The following TTC23L variants were observed in gnomAD, a reference collection of about 807,000 sequenced individuals.
TTC23L encodes tetratricopeptide repeat protein 23-like.
A neutral mutation model predicts 48.1 loss-of-function variants in TTC23L; 42 were observed. That is an observed-to-expected ratio of 0.87 (90% CI 0.68 to 1.13). The LOEUF is 1.13. Ranked by LOEUF, TTC23L falls within the 50% of genes most tolerant of loss-of-function variation. TTC23L has a pLI of 0.00. For synonymous variants in TTC23L, 159 were observed against 157.2 expected, an observed-to-expected ratio of 1.01 and a Z score of -0.09; for missense variants, 391 against 421.0, an observed-to-expected ratio of 0.93 and a Z score of 0.62.
the TTC23L span, chr5:34,922,395 G>A: frequency 1.1e-6 from 1 of 905,608 alleles, no homozygotes; most frequent in Non-Finnish European, 1.7e-6. Context: ...TGAGAATGAA[G>A]CAAACTTTTG....
chr5:34,914,130 G>C, the TTC23L span: 4 of 366,692 alleles, frequency 1.1e-5, no homozygotes, highest in African/African-American at 8.4e-5. Context: ...AATCCTATCT[G>C]AACCACACAA....
the TTC23L span, chr5:34,923,110 C>T: frequency 1.9e-6 from 3 of 1,594,794 alleles, no homozygotes; most frequent in African/African-American, 1.3e-5. Context: ...GAATAAGGAA[C>T]TAACATACAC....
At chr5:34,908,890 ATACCT>A in the TTC23L span, 139 of 1,612,976 alleles carry the variant, frequency 8.6e-5, no homozygotes, top group Non-Finnish European at 1.1e-4. Context: ...GTCCGAATAG[ATACCT>A]TACAAGATAG....
At chr5:34,848,959 T>A (rs2150357908) in intron 3 of TTC23L, among the ~76,000 whole-genome samples, 1 of 152,334 alleles carries the variant, frequency 6.6e-6, no homozygotes, top group East Asian at 1.9e-4. Context: ...TAAAATACGT[T>A]TTAAAATCCA....
At chr5:34,839,607 G>C (rs192359953) in intron 1 of TTC23L, 1 of 985,028 alleles carries the variant, frequency 1.0e-6, no homozygotes, top group Admixed American at 6.1e-5. Flanking sequence ...AGAGAAATTA[G>C]TGACTCTCCC....
chr5:34,864,495 G>C (rs1259449182), exon 6 of TTC23L: 1 of 1,613,742 alleles, frequency 6.2e-7, no homozygotes, highest in Non-Finnish European at 8.5e-7. Context: ...GGAGCTGAAA[G>C]AATTATATAA....
the TTC23L span, chr5:34,914,914 C>T: frequency 3.7e-6 from 6 of 1,613,198 alleles, no homozygotes; most frequent in Admixed American, 1.0e-4. Flanking sequence ...CATTCGGCCC[C>T]GAGGGATGCT....
At chr5:34,880,679 C>T (rs1762169107) in intron 9 of TTC23L, 3 of 413,740 alleles carry the variant, frequency 7.3e-6, no homozygotes, top group Admixed American at 2.9e-5. Flanking sequence ...GTCTCTGTCA[C>T]CCAGGCTGTA....
At chr5:34,902,421 A>C (rs1763531171), downstream of TTC23L, 1 of 394,286 alleles carries the variant, frequency 2.5e-6, no homozygotes, top group Non-Finnish European at 5.2e-6. Flanking sequence ...CCTCTAAAAA[A>C]TAAATTAATA....
chr5:34,839,522 A>G, intron 1 of TTC23L: 2 of 578,594 alleles, frequency 3.5e-6, no homozygotes, highest in Non-Finnish European at 4.4e-6. Context: ...GCGGAACGTC[A>G]TAGGAACAGA....
the TTC23L span, chr5:34,925,346 G>A: frequency 6.2e-7 from 1 of 1,613,938 alleles, no homozygotes; most frequent in African/African-American, 1.3e-5. Flanking sequence ...TCCCACTGCA[G>A]ATGTTTTTGT....
intron 4 of TTC23L, among the ~76,000 whole-genome samples, chr5:34,855,028 G>T (rs1760009311): frequency 6.6e-6 from 1 of 152,176 alleles, no homozygotes; most frequent in South Asian, 2.1e-4. Flanking sequence ...TGGAAGAAGG[G>T]GTGGGCATTT....
chr5:34,863,657 G>A lies in TTC23L; in HGVS notation c.536+603G>A, dbSNP rs1760840544. Among the ~76,000 whole-genome samples the A allele has an allele frequency of 1.3e-5, 2 of 152,214 alleles. No homozygotes were observed. The highest frequency in any genetic ancestry group is 2.9e-5 in the Non-Finnish European group (2 of 68,042). On this transcript the variant is annotated intron_variant, in intron 5 of 10. Coordinates refer to ENST00000505624, the Ensembl canonical transcript of TTC23L. This position sits in a 1 kb window ranked among gnomAD's most constrained non-coding sequence, Gnocchi z 4.1. ...TCTTGTGGATACTGCCCATGAGGCT[G>A]GAGGCCAAGCAAAATAGACAAAACA...
chr5:34,872,236 A>G (rs188225982), intron 8 of TTC23L, among the ~76,000 whole-genome samples: 7 of 152,318 alleles, frequency 4.6e-5, no homozygotes, highest in Non-Finnish European at 1.0e-4. Context: ...ACAGAGAGCT[A>G]TAAGCGTGCC....
the TTC23L span, chr5:34,913,450 T>A: frequency 1.4e-6 from 2 of 1,432,220 alleles, no homozygotes; most frequent in Non-Finnish European, 1.9e-6. Context: ...TTTTATGTCT[T>A]TATACTGATC....
chr5:34,902,857 C>G (rs1306399288), downstream of TTC23L, among the ~76,000 whole-genome samples: 1 of 152,036 alleles, frequency 6.6e-6, no homozygotes, highest in Non-Finnish European at 1.5e-5. Flanking sequence ...GGAGATGGGG[C>G]TGCTGTTCTT....
chr5:34,885,785 T>C (rs1487986011), intron 9 of TTC23L, among the ~76,000 whole-genome samples: 3 of 151,980 alleles, frequency 2.0e-5, no homozygotes, highest in Non-Finnish European at 4.4e-5. Flanking sequence ...TAAAGTATCT[T>C]GATTACCTAC....
intron 3 of TTC23L, among the ~76,000 whole-genome samples, chr5:34,848,228 G>A (rs892863441): frequency 2.6e-5 from 4 of 152,058 alleles, no homozygotes; most frequent in East Asian, 1.9e-4. Flanking sequence ...CTATCGACTC[G>A]TTCAGCCAAT....
chr5:34,862,763 G>A, intron 4 of TTC23L, 135 bp from the exon 5 acceptor site: 2 of 1,039,046 alleles, frequency 1.9e-6, no homozygotes. Flanking sequence ...CTGATTCACA[G>A]CCAGATTTAG....
Sources: gnomAD v4.1 joint callset for allele counts (sites outside exome capture counted in the v4.1 genomes callset) on GRCh38, gnomAD v4.1.1 for gene constraint, Gnocchi (gnomAD v3.1) non-coding constraint, MANE v1.5 for transcripts, NCBI Gene and HGNC (gene_info 2026-07-23, HGNC 2026-07-21) for gene names.